MON2: variants seen among roughly 807,000 people sequenced by gnomAD.
The protein encoded by MON2 is MON2 regulator of endosome-to-Golgi trafficking, also known as protein MON2 homolog.
Under a neutral mutation model 208.6 loss-of-function variants are expected in MON2, and 84 were observed. That is an observed-to-expected ratio of 0.40 (90% CI 0.34 to 0.48). MON2 has a LOEUF of 0.48. MON2 is among the 20% of genes least tolerant of loss of function. The pLI is 0.59. For missense variants in MON2, 1,611 were observed against 2,015.4 expected (o/e 0.80, Z 3.84); for synonymous variants, 660 against 694.0 (o/e 0.95, Z 0.77).
intron 26 of MON2, among the ~76,000 whole-genome samples, chr12:62,563,052 G>A (rs1352759192): frequency 6.6e-6 from 1 of 152,158 alleles, no homozygotes; most frequent in Non-Finnish European, 1.5e-5. Flanking sequence ...AAACTTCTTA[G>A]TCAGATGGCT....
chr12:62,504,304 G>C (rs1236254502), intron 7 of MON2, among the ~76,000 whole-genome samples: 1 of 143,600 alleles, frequency 7.0e-6, no homozygotes, highest in Non-Finnish European at 1.5e-5. Context: ...GAGTGCAGTC[G>C]CATGATCTCG....
At position 62,580,289 on chromosome 12, in the gene MON2, T is replaced by C. The variant is rs2074956456; in HGVS notation, c.4576-8T>C. ...ACAATACATTTGCATTTGCCTCTTT[T>C]GTTTTAGGTAGTTCAACTTATCAGC... On this transcript the variant is annotated splice_polypyrimidine_tract_variant and splice_region_variant and intron_variant, in intron 31 of 34. Coordinates refer to ENST00000393630, the MANE Select transcript of MON2 (RefSeq NM_015026.3). 1 of 1,604,526 alleles carries C rather than the reference T, an allele frequency of 6.2e-7. No homozygotes were observed. Among genetic ancestry groups the C allele is most frequent in the African/African-American group, 1.3e-5 (1 of 74,600 alleles).
chr12:62,478,510 A>G (rs1224465912), intron 1 of MON2, among the ~76,000 whole-genome samples: 1 of 152,218 alleles, frequency 6.6e-6, no homozygotes, highest in Non-Finnish European at 1.5e-5. Flanking sequence ...TCTTGTTGTT[A>G]CTAATGGTTT....
Position 62,526,762 on chromosome 12 carries a change from A to G in MON2, c.1400+660A>G, listed in dbSNP as rs186624876. 2.2e-4 allele frequency among the ~76,000 whole-genome samples: 33 copies of G among 152,334 alleles called. No individual in the cohort carries two copies. The East Asian group carries it at 4.2e-3, about 20-fold the overall frequency. On this transcript the variant is annotated intron_variant, in intron 11 of 34. Transcript: ENST00000393630. ...ACAGAAATAAGGCAATCAATACTACATGGATTTAACATTGCTATAGTTACT... is the reference window on the plus strand; with the variant it reads ...ACAGAAATAAGGCAATCAATACTACGTGGATTTAACATTGCTATAGTTACT...
At chr12:62,503,924 CTT>C (rs760637320) in intron 7 of MON2, among the ~76,000 whole-genome samples, 3 of 152,080 alleles carry the variant, frequency 2.0e-5, no homozygotes, top group Non-Finnish European at 4.4e-5. Context: ...TCTTATCTCT[CTT>C]TTTCTTTGTA....
intron 8 of MON2, among the ~76,000 whole-genome samples, chr12:62,520,910 A>G (rs1377267040): frequency 6.7e-6 from 1 of 148,716 alleles, no homozygotes; most frequent in Non-Finnish European, 1.5e-5. Flanking sequence ...CATCTCAAAA[A>G]AAAAAAGACA....
chr12:62,514,490 G>A (rs1236067175), intron 8 of MON2, among the ~76,000 whole-genome samples: 1 of 152,180 alleles, frequency 6.6e-6, no homozygotes, highest in Non-Finnish European at 1.5e-5. Flanking sequence ...CATCACAAAT[G>A]GTGGTAGACA....
intron 15 of MON2, 89 bp from the exon 16 acceptor site, chr12:62,537,513 A>G (rs942614254): frequency 6.1e-6 from 6 of 988,600 alleles, no homozygotes; most frequent in Middle Eastern, 2.4e-4. Context: ...CTTTAAAAAA[A>G]TCTTTTAACA....
intron 34 of MON2, among the ~76,000 whole-genome samples, chr12:62,589,266 T>A (rs2075316011): frequency 6.6e-6 from 1 of 152,172 alleles, no homozygotes; most frequent in Non-Finnish European, 1.5e-5. Context: ...AGAAGAAAAC[T>A]GTGTGTTGGT....
Position 62,537,232 on chromosome 12 carries a change from C to T in MON2, c.1982C>T (p.Pro661Leu), listed in dbSNP as rs748022548. 2.5e-6 allele frequency: 4 copies of T among 1,612,112 alleles called. No homozygotes were observed. The African/African-American group carries it at 4.0e-5, about 16-fold the overall frequency. ...CAACAAGTTGTGGCAGTGGGTCAAC[C>T]TTTAGCAGTCCAGCCTCAAGGGACA... ...SHQQVVAVGQ[P>L]LAVQPQGTVM... The change falls in exon 15 of 35, where the codon CCT becomes CTT. Residue 661 changes from proline (P) to leucine (L), a missense_variant. Transcript: ENST00000393630.
chr12:62,550,817 A>G (rs2073705259), intron 23 of MON2, among the ~76,000 whole-genome samples: 1 of 151,854 alleles, frequency 6.6e-6, no homozygotes, highest in Admixed American at 6.6e-5. Flanking sequence ...GCGTTGGCTT[A>G]AGGGAATCTT....
At chr12:62,534,534 AAAAAAAAAATATATAT>A (rs1467868091) in intron 12 of MON2, among the ~76,000 whole-genome samples, 1 of 46,832 alleles carries the variant, frequency 2.1e-5, no homozygotes, top group African/African-American at 9.4e-5. Context: ...AAAAAAAAAA[AAAAAAAAAATATATAT>A]ATATATATAT....
At chr12:62,469,186 GCCCA>G (rs1412117052) in intron 1 of MON2, among the ~76,000 whole-genome samples, 1 of 143,856 alleles carries the variant, frequency 7.0e-6, no homozygotes, top group Non-Finnish European at 1.5e-5. Flanking sequence ...CAAGCGATCT[GCCCA>G]CCTCTGGCTC....
intron 20 of MON2, among the ~76,000 whole-genome samples, chr12:62,544,182 C>T (rs1453894323): frequency 6.6e-6 from 1 of 152,142 alleles, no homozygotes; most frequent in Non-Finnish European, 1.5e-5. Context: ...CAGTAGCTCA[C>T]ACCTATAATC....
Position 62,571,539 on chromosome 12 carries a change from C to G in MON2, c.4471C>G (p.Pro1491Ala). The change falls in exon 30 of 35, where the codon CCA (proline) becomes GCA (alanine). Residue 1491 changes from proline to alanine, a missense_variant. By Grantham distance (27) the Pro-to-Ala change is conservative (BLOSUM62 -1). Coordinates refer to ENST00000393630, the MANE Select transcript of MON2 (RefSeq NM_015026.3). ...ASSGKFDSMWPELANTFEDFL... is the reference protein window; with the variant it reads ...ASSGKFDSMWAELANTFEDFL... ...TTCTGGAAAATTTGACAGTATGTGGCCAGAACTAGCCAATACTTTTGAAGA... is the reference window on the plus strand; with the variant it reads ...TTCTGGAAAATTTGACAGTATGTGGGCAGAACTAGCCAATACTTTTGAAGA... 6.2e-7 allele frequency: 1 copy of G among 1,612,980 alleles called. No individual in the cohort carries two copies. The highest frequency in any genetic ancestry group is 1.1e-5 in the South Asian group (1 of 90,692).
At chr12:62,526,463 T>C (rs1030894890) in intron 11 of MON2, among the ~76,000 whole-genome samples, 2 of 152,166 alleles carry the variant, frequency 1.3e-5, no homozygotes, top group African/African-American at 4.8e-5. Context: ...TTTCTTTTTT[T>C]TAAACCTCAT....
chr12:62,522,279 A>C, intron 8 of MON2, among the ~76,000 whole-genome samples: 1 of 152,322 alleles, frequency 6.6e-6, no homozygotes, highest in African/African-American at 2.4e-5. Context: ...GCCTTGTCCA[A>C]ACTAATTTTC....
intron 20 of MON2, among the ~76,000 whole-genome samples, chr12:62,543,551 A>T (rs1223594320): frequency 6.6e-6 from 1 of 152,116 alleles, no homozygotes; most frequent in Non-Finnish European, 1.5e-5. Context: ...CATAGAGTTA[A>T]TAGTAAACAC....
At chr12:62,511,267 C>A (rs899028610) in intron 8 of MON2, among the ~76,000 whole-genome samples, 2 of 152,148 alleles carry the variant, frequency 1.3e-5, no homozygotes, top group African/African-American at 4.8e-5. Context: ...TCTTAAAATT[C>A]ATATTGAATC....
Sources: allele counts gnomAD v4.1 joint callset (sites outside exome capture counted in the v4.1 genomes callset), GRCh38; gene constraint gnomAD v4.1.1; transcripts MANE v1.5; gene names NCBI Gene and HGNC (gene_info 2026-07-23, HGNC 2026-07-21).